The following PLA2G4A variants were observed in gnomAD, a reference collection of about 807,000 sequenced individuals.
The protein encoded by PLA2G4A is cytosolic phospholipase A2.
Under a neutral mutation model 81.9 loss-of-function variants are expected in PLA2G4A, and 40 were observed. That is an observed-to-expected ratio of 0.49 (90% confidence interval 0.38 to 0.64). The LOEUF (loss-of-function observed/expected upper bound fraction) is 0.64, where lower values mean the gene tolerates loss of function less well. PLA2G4A is among the 30% of genes least tolerant of loss of function. PLA2G4A has a pLI of 0.00. For synonymous variants in PLA2G4A, 302 were observed against 296.9 expected, an observed-to-expected ratio of 1.02 and a Z score of -0.18; for missense variants, 715 against 905.1, an observed-to-expected ratio of 0.79 and a Z score of 2.69.
chr1:186,871,752 G>A (rs948336793), intron 3 of PLA2G4A, among the ~76,000 whole-genome samples: 2 of 152,098 alleles, frequency 1.3e-5, no homozygotes, highest in Non-Finnish European at 2.9e-5. Flanking sequence ...GCAATGGAAA[G>A]AATTTGATGG....
At chr1:186,944,423 G>T (rs762982023) in intron 10 of PLA2G4A, among the ~76,000 whole-genome samples, 30 of 152,120 alleles carry the variant, frequency 2.0e-4, no homozygotes, top group Middle Eastern at 3.2e-3. Flanking sequence ...CCAGGAAGTT[G>T]TTATGCCTCA....
intron 7 of PLA2G4A, among the ~76,000 whole-genome samples, chr1:186,913,143 C>A (rs1033672421): frequency 1.3e-5 from 2 of 151,032 alleles, no homozygotes; most frequent in African/African-American, 4.9e-5. Context: ...ATTGAAGGAT[C>A]GTACTTTCAA....
chr1:186,891,323 G>A (rs894414053), intron 3 of PLA2G4A, among the ~76,000 whole-genome samples: 1 of 152,028 alleles, frequency 6.6e-6, no homozygotes, highest in Non-Finnish European at 1.5e-5. Flanking sequence ...CACTCTTTTA[G>A]TTACTTTTAA....
chr1:186,853,757 T>C (rs1261128248), intron 1 of PLA2G4A, among the ~76,000 whole-genome samples: 2 of 151,904 alleles, frequency 1.3e-5, no homozygotes, highest in Non-Finnish European at 2.9e-5. Context: ...ATTTAACTGC[T>C]TCCAAATTAA....
chr1:186,904,189 T>A (rs994159538), intron 5 of PLA2G4A, among the ~76,000 whole-genome samples: 1 of 152,218 alleles, frequency 6.6e-6, no homozygotes, highest in African/African-American at 2.4e-5. Flanking sequence ...AAGATGACAT[T>A]GCTGCTTTTC....
intron 3 of PLA2G4A, among the ~76,000 whole-genome samples, chr1:186,889,692 G>T (rs900535825): frequency 1.2e-4 from 18 of 151,816 alleles, no homozygotes; most frequent in Non-Finnish European, 1.5e-4. Flanking sequence ...AAATTTTTTT[G>T]GGGGGGAAAC....
At chr1:186,920,683 C>T (rs187640594) in intron 7 of PLA2G4A, among the ~76,000 whole-genome samples, 27 of 152,300 alleles carry the variant, frequency 1.8e-4, no homozygotes, top group South Asian at 4.1e-4. Context: ...AGGTTGCAAG[C>T]GTGGGTGATT....
At chr1:186,941,655 C>T (rs969599344) in intron 10 of PLA2G4A, among the ~76,000 whole-genome samples, 1 of 152,184 alleles carries the variant, frequency 6.6e-6, no homozygotes, top group Admixed American at 6.5e-5. Flanking sequence ...ATACTAACTT[C>T]TGATGTGTAC....
intron 7 of PLA2G4A, among the ~76,000 whole-genome samples, chr1:186,921,245 C>T (rs796284607): frequency 2.6e-5 from 4 of 152,284 alleles, no homozygotes; most frequent in African/African-American, 9.6e-5. Context: ...TCAGCTAGGA[C>T]GTGCTCCTGT....
chr1:186,875,471 C>G (rs1199646997), intron 3 of PLA2G4A, among the ~76,000 whole-genome samples: 2 of 151,874 alleles, frequency 1.3e-5, no homozygotes, highest in African/African-American at 2.4e-5. Flanking sequence ...AGATTACAAG[C>G]CATGAGAAAA....
At chr1:186,860,074 A>G (rs1441382552) in intron 2 of PLA2G4A, among the ~76,000 whole-genome samples, 1 of 152,144 alleles carries the variant, frequency 6.6e-6, no homozygotes, top group African/African-American at 2.4e-5. Flanking sequence ...TTCTTTGAGC[A>G]CTAAAAATCT....
intron 2 of PLA2G4A, among the ~76,000 whole-genome samples, chr1:186,857,439 A>G (rs1317485278): frequency 7.6e-6 from 1 of 130,754 alleles, no homozygotes; most frequent in Non-Finnish European, 1.6e-5. Flanking sequence ...CTATATAAAT[A>G]TATAATATAA....
chr1:186,891,056 T>C (rs1427680062), intron 3 of PLA2G4A, among the ~76,000 whole-genome samples: 1 of 152,186 alleles, frequency 6.6e-6, no homozygotes, highest in East Asian at 1.9e-4. Flanking sequence ...CATTATTTTA[T>C]CTGATAAAGT....
chr1:186,945,256 G>A (rs1348796325), intron 10 of PLA2G4A, among the ~76,000 whole-genome samples: 2 of 152,146 alleles, frequency 1.3e-5, no homozygotes, highest in Admixed American at 6.6e-5. Context: ...TCTGTGCCGT[G>A]TGGCTGAAGT....
intron 5 of PLA2G4A, among the ~76,000 whole-genome samples, chr1:186,900,276 T>C (rs1166471295): frequency 1.3e-5 from 2 of 152,176 alleles, no homozygotes; most frequent in African/African-American, 4.8e-5. Context: ...TAAAACAGGG[T>C]TACATGTAGT....
At chr1:186,885,200 T>G (rs939582132) in intron 3 of PLA2G4A, among the ~76,000 whole-genome samples, 2 of 152,144 alleles carry the variant, frequency 1.3e-5, no homozygotes, top group Admixed American at 1.3e-4. Context: ...TCTTGATTCA[T>G]GCAGGGCAAC....
chr1:186,959,831 A>G (rs1656885524), intron 14 of PLA2G4A, among the ~76,000 whole-genome samples: 1 of 152,090 alleles, frequency 6.6e-6, no homozygotes, highest in Non-Finnish European at 1.5e-5. Flanking sequence ...ACCAACTAAA[A>G]CTTTTAGCCA....
In PLA2G4A at chr1:186,839,131, A is replaced by G. The variant is rs551020133; in HGVS notation, c.-70+10096A>G. On this transcript the variant is annotated intron_variant, in intron 1 of 17. Coordinates refer to ENST00000367466, the MANE Select transcript of PLA2G4A (RefSeq NM_024420.3). ...CATAAATCCTCTTCACATAAAAATG[A>G]TTTAGTTTTACACAAATGAAGGCCA... Among the ~76,000 whole-genome samples, 15 of 152,324 alleles carry G rather than the reference A, an allele frequency of 9.8e-5. No individual in the cohort carries two copies. In the South Asian group the frequency reaches 1.4e-3, roughly 15 times the overall value.
intron 5 of PLA2G4A, among the ~76,000 whole-genome samples, chr1:186,904,233 C>T (rs968403009): frequency 5.3e-5 from 8 of 152,172 alleles, no homozygotes; most frequent in Non-Finnish European, 1.0e-4. Flanking sequence ...CCAACTTCTT[C>T]CTAAAAAAGG....
Sources: allele counts gnomAD v4.1 joint callset (sites outside exome capture counted in the v4.1 genomes callset), GRCh38; gene constraint gnomAD v4.1.1; transcripts MANE v1.5; gene names NCBI Gene and HGNC (gene_info 2026-07-23, HGNC 2026-07-21).